The following ZNF608 variants were observed in gnomAD, a reference collection of about 807,000 sequenced individuals.
The protein encoded by ZNF608 is zinc finger protein 608.
ZNF608 carries 12 observed loss-of-function variants against 109.0 expected under a neutral mutation model. The observed-to-expected ratio is 0.11, with a 90% CI of 0.07 to 0.18. ZNF608 has a LOEUF of 0.18. ZNF608 is among the 10% of genes least tolerant of loss of function. ZNF608 has a pLI of 1.00. For synonymous variants in ZNF608, 732 were observed against 717.4 expected (o/e 1.02, Z -0.33); for missense variants, 1,707 against 1,879.3 (o/e 0.91, Z 1.70).
At chr5:124,735,815 C>T (rs1749116688) in intron 2 of ZNF608, among the ~76,000 whole-genome samples, 1 of 152,100 alleles carries the variant, frequency 6.6e-6, no homozygotes, top group South Asian at 2.1e-4. Flanking sequence ...CATGTTGCTC[C>T]CTTTTGGGGG....
intron 2 of ZNF608, among the ~76,000 whole-genome samples, chr5:124,727,041 G>A (rs943763439): frequency 6.6e-6 from 1 of 152,156 alleles, no homozygotes; most frequent in Non-Finnish European, 1.5e-5. Context: ...CTGTAACAGA[G>A]CTTCAAAATC....
chr5:124,744,781 G>A lies in ZNF608; in HGVS notation c.209C>T (p.Ser70Phe). 4 of 1,614,200 alleles carry A rather than the reference G, an allele frequency of 2.5e-6. No homozygotes were observed. The highest frequency in any genetic ancestry group is 2.2e-5 in the East Asian group (1 of 44,884). Residue 70 changes from serine (S) to phenylalanine (F), a missense_variant, in exon 2 of 10, where the codon TCC becomes TTC. Physicochemically the swap from Ser to Phe is radical, Grantham distance 155. Coordinates refer to ENST00000513986, the MANE Select transcript of ZNF608 (RefSeq NM_020747.3). The surrounding 1 kb of genome is among the most constrained non-coding windows in gnomAD (Gnocchi z 4.5). ...SNSKDCGGPA[S>F]SGAGATAALA... ...GGCTGCGGTAGCACCAGCCCCACTGGAGGCCGGACCTCCACAATCCTTGGA... is the reference window on the plus strand; with the variant it reads ...GGCTGCGGTAGCACCAGCCCCACTGAAGGCCGGACCTCCACAATCCTTGGA...
At chr5:124,731,901 A>C (rs1249777778) in intron 2 of ZNF608, among the ~76,000 whole-genome samples, 1 of 152,202 alleles carries the variant, frequency 6.6e-6, no homozygotes, top group African/African-American at 2.4e-5. Context: ...CTAATACGGA[A>C]AATATTAACA....
chr5:124,644,399 T>G lies in ZNF608; in HGVS notation c.3968A>C (p.Lys1323Thr). The G allele has an allele frequency of 6.2e-7, 1 of 1,614,178 alleles. No individual in the cohort carries two copies. The highest frequency in any genetic ancestry group is 8.5e-7 in the Non-Finnish European group (1 of 1,180,028). The change falls in exon 6 of 10, where the codon AAG becomes ACG. Residue 1323 changes from lysine to threonine, a missense_variant. Around this residue, in one of 7 missense-constraint regions of ZNF608, gnomAD observed 1,073 missense variants for 1,133.5 expected, o/e 0.95. Transcript: ENST00000513986. Reference sequence around the variant, plus strand: ...AGCCACTCTTGTTCCCCGAGAGTCCTTCCAGTTCACAGGAGTCTTTCGATC... The same window carrying G: ...AGCCACTCTTGTTCCCCGAGAGTCCGTCCAGTTCACAGGAGTCTTTCGATC... ...NDDRKTPVNWKDSRGTRVAVS... is the reference protein window; with the variant it reads ...NDDRKTPVNWTDSRGTRVAVS...
Position 124,643,582 on chromosome 5 carries a change from T to C in ZNF608, c.4225A>G (p.Thr1409Ala), listed in dbSNP as rs1205835715. The C allele has an allele frequency of 6.2e-7, 1 of 1,614,228 alleles. No homozygotes were observed. The highest frequency in any genetic ancestry group is 1.1e-5 in the South Asian group (1 of 91,088). Residue 1409 changes from threonine to alanine, a missense_variant, in exon 7 of 10, where the codon ACA (threonine) becomes GCA (alanine). Thr to Ala is a moderately conservative substitution (Grantham distance 58). Coordinates refer to ENST00000513986, the MANE Select transcript of ZNF608 (RefSeq NM_020747.3). ...TCCAGTGCTTTAGATTCAGTGGTTG[T>C]TTTCGTGTTGACGCTAGGGCTGGTA... is the stretch of plus-strand genomic sequence containing the variant. The part of the protein sequence containing the change: ...VNTSPSVNTK[T>A]TTESKALDLL...
Position 124,648,896 on chromosome 5 carries a change from G to A in ZNF608, c.1488C>T (p.Ser496=), listed in dbSNP as rs1455487589. 6.2e-7 allele frequency: 1 copy of A among 1,614,036 alleles called. No homozygotes were observed. Among genetic ancestry groups the A allele is most frequent in the Admixed American group, 1.7e-5 (1 of 60,018 alleles). ...GAGGCTTGTTTTTCCTTTTGTTGGT[G>A]GAGGAAGGGCTGGCTTTGATATCCT... is the stretch of plus-strand genomic sequence containing the variant. The part of the protein sequence containing the change: ...AAEDIKASPS[S]TNKRKNKPPM... The change falls in exon 5 of 10, where the codon TCC becomes TCT. Residue 496 remains serine (S), a synonymous_variant. Coordinates refer to ENST00000513986, the MANE Select transcript of ZNF608 (RefSeq NM_020747.3).
intron 3 of ZNF608, among the ~76,000 whole-genome samples, chr5:124,682,367 C>T (rs1752233576): frequency 6.6e-6 from 1 of 152,222 alleles, no homozygotes; most frequent in South Asian, 2.1e-4. Context: ...GCCACTGTGC[C>T]CGGCCTACCA....
rs557730748 is a variant in ZNF608 at position 124,726,824 on chromosome 5, C to A, written c.906+17260G>T. Among the ~76,000 whole-genome samples the A allele has an allele frequency of 5.3e-5, 8 of 152,332 alleles. 1 individual carries two copies. In the East Asian group the frequency reaches 7.7e-4, roughly 15 times the overall value. The stretch of plus-strand genomic sequence containing the variant: ...GTCCAATCTGGACATGGGCTGTGCG[C>A]CCAACACATATGTGTTACCTGAGTG... On this transcript the variant is annotated intron_variant, in intron 2 of 9. Coordinates refer to ENST00000513986, the MANE Select transcript of ZNF608 (RefSeq NM_020747.3).
intron 3 of ZNF608, among the ~76,000 whole-genome samples, chr5:124,691,105 T>G (rs759229116): frequency 6.6e-6 from 1 of 151,986 alleles, no homozygotes. Flanking sequence ...CCGCACAACA[T>G]AGTGAGACCC....
At chr5:124,711,674 A>G (rs1025031826) in intron 2 of ZNF608, among the ~76,000 whole-genome samples, 2 of 152,202 alleles carry the variant, frequency 1.3e-5, no homozygotes, top group African/African-American at 4.8e-5. Context: ...ACAATGTGCC[A>G]AAGGTGGGGA....
At chr5:124,722,274 C>A (rs1003432593) in intron 2 of ZNF608, among the ~76,000 whole-genome samples, 6 of 152,136 alleles carry the variant, frequency 3.9e-5, no homozygotes, top group African/African-American at 1.4e-4. Flanking sequence ...AAACGTTTCC[C>A]CCTGCCTCCA....
intron 5 of ZNF608, among the ~76,000 whole-genome samples, chr5:124,645,426 C>T (rs1375811856): frequency 6.6e-6 from 1 of 152,148 alleles, no homozygotes; most frequent in East Asian, 1.9e-4. Context: ...ATCCCCATCC[C>T]ATTCATGATA....
At chr5:124,699,928 TCA>T (rs1561568990) in intron 3 of ZNF608, among the ~76,000 whole-genome samples, 2 of 152,198 alleles carry the variant, frequency 1.3e-5, no homozygotes, top group African/African-American at 4.8e-5. Flanking sequence ...GTTTCGGCCC[TCA>T]GTTTTTCTCC....
At chr5:124,687,278 G>A (rs1048016674) in intron 3 of ZNF608, among the ~76,000 whole-genome samples, 1 of 152,066 alleles carries the variant, frequency 6.6e-6, no homozygotes, top group African/African-American at 2.4e-5. Context: ...ACTCATCTCC[G>A]TAAATGAGAA....
At chr5:124,705,121 C>G (rs139818467) in intron 2 of ZNF608, among the ~76,000 whole-genome samples, 1 of 152,096 alleles carries the variant, frequency 6.6e-6, no homozygotes, top group Non-Finnish European at 1.5e-5. Flanking sequence ...TTATTTTTGC[C>G]TTATACAAAA....
chr5:124,720,919 C>T (rs993332487), intron 2 of ZNF608, among the ~76,000 whole-genome samples: 3 of 126,190 alleles, frequency 2.4e-5, no homozygotes, highest in Middle Eastern at 7.0e-3. Flanking sequence ...TTATAATAAA[C>T]GCTTCTCTCT....
chr5:124,746,019 T>A (rs922231004), intron 1 of ZNF608, 176 bp downstream of exon 1: 1 of 497,776 alleles, frequency 2.0e-6, no homozygotes, highest in Non-Finnish European at 2.6e-6. Flanking sequence ...GATTAAGACA[T>A]ACACTTTAAG....
At chr5:124,679,527 A>T (rs1223180178) in intron 3 of ZNF608, among the ~76,000 whole-genome samples, 1 of 151,550 alleles carries the variant, frequency 6.6e-6, no homozygotes, top group Non-Finnish European at 1.5e-5. Flanking sequence ...CCGGGGCTAC[A>T]TACATGGACA....
intron 3 of ZNF608, among the ~76,000 whole-genome samples, chr5:124,677,577 G>A (rs905054322): frequency 6.6e-6 from 1 of 152,128 alleles, no homozygotes; most frequent in Non-Finnish European, 1.5e-5. Context: ...TTACATATCC[G>A]TGCAAATCAA....
Sources: allele counts gnomAD v4.1 joint callset (sites outside exome capture counted in the v4.1 genomes callset), GRCh38; gene constraint gnomAD v4.1.1; regional missense constraint gnomAD v4.1.1; non-coding constraint Gnocchi (gnomAD v3.1); transcripts MANE v1.5; gene names NCBI Gene and HGNC (gene_info 2026-07-23, HGNC 2026-07-21).